Variants in PCDHGA3 observed in about 807,000 individuals in gnomAD.
PCDHGA3 encodes protocadherin gamma-A3.
A neutral mutation model predicts 58.5 loss-of-function variants in PCDHGA3; 40 were observed. The ratio of observed to expected loss-of-function variants is 0.68; its 90% CI spans 0.53 to 0.89. The LOEUF (loss-of-function observed/expected upper bound fraction) is 0.89, where lower values mean the gene tolerates loss of function less well. Among genes scored for constraint, PCDHGA3 ranks in the 40% least tolerant of loss-of-function variants. The pLI, the probability that PCDHGA3 is intolerant of heterozygous loss-of-function variation, is 0.00. For missense variants in PCDHGA3, 1,223 were observed against 1,195.9 expected (o/e 1.02, Z -0.33); for synonymous variants, 530 against 525.7 (o/e 1.01, Z -0.11).
At chr5:141,355,411 A>G (rs1759844288) in intron 1 of PCDHGA3, 3 of 1,613,986 alleles carry the variant, frequency 1.9e-6, no homozygotes, top group African/African-American at 2.7e-5. Context: ...CTCCAGAGGT[A>G]GGACGCAGCT....
At chr5:141,430,595 G>T (rs549786394) in intron 1 of PCDHGA3, 3 of 567,018 alleles carry the variant, frequency 5.3e-6, no homozygotes, top group African/African-American at 1.9e-5. Context: ...CCTTGCACGC[G>T]CCTGAAGCAC....
intron 1 of PCDHGA3, chr5:141,410,112 C>T (rs775292594): frequency 1.9e-6 from 3 of 1,612,566 alleles, no homozygotes; most frequent in East Asian, 4.5e-5. Context: ...GACAGGGACG[C>T]AGCCCGCCAG....
chr5:141,416,615 C>T (rs1156238298), intron 1 of PCDHGA3: 1 of 152,088 alleles, frequency 6.6e-6, no homozygotes, highest in Non-Finnish European at 1.5e-5. Context: ...AATGCCATTT[C>T]TGCAGATCAG....
At position 141,383,863 on chromosome 5, in the gene PCDHGA3, C is replaced by G. The variant is rs768251798; in HGVS notation, c.2424+37406C>G. ...CTTCTATGAAATGGAGGTTCAGGCT[C>G]AAGATGGTCCTGGTAGTCTGACAAA... On this transcript the variant is annotated intron_variant, in intron 1 of 3. Coordinates refer to ENST00000253812, the MANE Select transcript of PCDHGA3 (RefSeq NM_018916.4). 4.3e-6 allele frequency: 7 copies of G among 1,613,772 alleles called. No homozygotes were observed. Among genetic ancestry groups the G allele is most frequent in the African/African-American group, 2.7e-5 (2 of 74,914 alleles).
At chr5:141,363,522 T>C (rs1028611491) in intron 1 of PCDHGA3, among the ~76,000 whole-genome samples, 2 of 152,254 alleles carry the variant, frequency 1.3e-5, no homozygotes, top group Non-Finnish European at 2.9e-5. Context: ...GTTACTATAC[T>C]GGTTGTCACT....
intron 1 of PCDHGA3, chr5:141,394,106 T>C: frequency 1.2e-6 from 2 of 1,613,942 alleles, no homozygotes; most frequent in Non-Finnish European, 1.7e-6. Flanking sequence ...GAACACCACC[T>C]CTGTCCACTG....
chr5:141,511,082 C>T lies in PCDHGA3; in HGVS notation c.2708C>T (p.Thr903Ile). Residue 903 changes from threonine to isoleucine, a missense_variant, in exon 4 of 4, where the codon ACA (threonine) becomes ATA (isoleucine). By Grantham distance (89) the Thr-to-Ile change is moderately conservative. This residue lies in a region of PCDHGA3 where 325 missense variants were observed against 327.5 expected (regional missense o/e 0.99). Transcript: ENST00000253812. ...QNVYIPGSNA[T>I]LTNAAGKRDG... ...GTCTACATCCCAGGCAGCAATGCCA[C>T]ACTGACCAACGCAGCTGGCAAGCGG... 1 of 1,614,224 alleles carries T rather than the reference C, an allele frequency of 6.2e-7. No individual in the cohort carries two copies. Among genetic ancestry groups the T allele is most frequent in the Non-Finnish European group, 8.5e-7 (1 of 1,180,028 alleles).
At position 141,486,891 on chromosome 5, in the gene PCDHGA3, G is replaced by A. The variant is rs201201426; in HGVS notation, c.2425-7916G>A. 38 of 1,614,118 alleles carry A rather than the reference G, an allele frequency of 2.4e-5. No individual in the cohort carries two copies. The highest frequency in any genetic ancestry group is 3.1e-5 in the Non-Finnish European group (37 of 1,180,064). Reference sequence around the variant, plus strand: ...GTGCTCCGTCCTCGGGCCCGGCCTGGTTCCTTATGTCCCCAAGCACTGCCT... The same window carrying A: ...GTGCTCCGTCCTCGGGCCCGGCCTGATTCCTTATGTCCCCAAGCACTGCCT... On this transcript the variant is annotated intron_variant, in intron 1 of 3. Coordinates refer to ENST00000253812, the MANE Select transcript of PCDHGA3 (RefSeq NM_018916.4). This position sits in a 1 kb window ranked among gnomAD's most constrained non-coding sequence, Gnocchi z 5.0.
chr5:141,477,571 C>A lies in PCDHGA3; in HGVS notation c.2425-17236C>A, dbSNP rs1470454976. ...TAAACCTAAGTGTCTGGGACCCCGA[C>A]GCCCCGCAGAATGCTCGGCTTTCTT... is the stretch of plus-strand genomic sequence containing the variant. On this transcript the variant is annotated intron_variant, in intron 1 of 3. Coordinates refer to ENST00000253812, the MANE Select transcript of PCDHGA3 (RefSeq NM_018916.4). The surrounding 1 kb of genome is among the most constrained non-coding windows in gnomAD (Gnocchi z 4.9). The A allele has an allele frequency of 3.1e-6, 5 of 1,614,042 alleles. No homozygotes were observed. In the South Asian group the frequency reaches 4.4e-5, roughly 14 times the overall value.
intron 1 of PCDHGA3, among the ~76,000 whole-genome samples, chr5:141,492,164 C>G (rs1180358388): frequency 6.6e-6 from 1 of 152,230 alleles, no homozygotes; most frequent in Non-Finnish European, 1.5e-5. Context: ...CTCCCTATCC[C>G]CGCATCACCC....
At chr5:141,405,672 G>C (rs755545370) in intron 1 of PCDHGA3, among the ~76,000 whole-genome samples, 3 of 152,024 alleles carry the variant, frequency 2.0e-5, no homozygotes, top group Non-Finnish European at 4.4e-5. Flanking sequence ...GAGACGGGGT[G>C]TCACCATGTT....
chr5:141,491,837 G>A lies in PCDHGA3; in HGVS notation c.2425-2970G>A, dbSNP rs1404051857. The A allele has an allele frequency of 1.4e-6, 2 of 1,472,862 alleles. No individual in the cohort carries two copies. The highest frequency in any genetic ancestry group is 1.8e-6 in the Non-Finnish European group (2 of 1,111,878). The allele number at this position is 1,472,862 out of a possible 1,614,324, so 91.2% of individuals were successfully genotyped here. A position where few individuals can be genotyped will look rare whatever the true frequency, so the allele number is the denominator to read the frequency against. ...TGGCTGCGCTCCACCCGATTCTCGG[G>A]ATCATTGGACCGTTTGCGCGAAACC... On this transcript the variant is annotated intron_variant, in intron 1 of 3. Transcript: ENST00000253812. The surrounding 1 kb of genome is among the most constrained non-coding windows in gnomAD (Gnocchi z 6.9).
chr5:141,460,979 GTGTGTATATATATATA>G (rs2099004425), intron 1 of PCDHGA3, among the ~76,000 whole-genome samples: 1 of 134,290 alleles, frequency 7.4e-6, no homozygotes, highest in Non-Finnish European at 1.5e-5. Flanking sequence ...GTGTGTGTGT[GTGTGTATATATATATA>G]TGTGTATATA....
chr5:141,364,009 G>C (rs1763143334), intron 1 of PCDHGA3, among the ~76,000 whole-genome samples: 1 of 152,092 alleles, frequency 6.6e-6, no homozygotes, highest in Non-Finnish European at 1.5e-5. Context: ...CATAAACAAC[G>C]CTACACAGTT....
rs761480508 is a variant in PCDHGA3, at chr5:141,344,455, A to C, written c.422A>C (p.Lys141Thr). The change falls in exon 1 of 4, where the codon AAA (lysine) becomes ACA (threonine). Residue 141 changes from lysine to threonine, a missense_variant. Coordinates refer to ENST00000253812, the MANE Select transcript of PCDHGA3 (RefSeq NM_018916.4). ...PNFPTEELEI[K>T]IGELTVPGTR... ...TTCCCAACAGAGGAATTGGAAATAA[A>C]AATTGGTGAACTAACGGTTCCTGGA... The C allele has an allele frequency of 6.2e-7, 1 of 1,613,848 alleles. No homozygotes were observed. Among genetic ancestry groups the C allele is most frequent in the Non-Finnish European group, 8.5e-7 (1 of 1,179,820 alleles).
intron 1 of PCDHGA3, among the ~76,000 whole-genome samples, chr5:141,458,821 C>T (rs1220034390): frequency 6.6e-6 from 1 of 152,146 alleles, no homozygotes; most frequent in Non-Finnish European, 1.5e-5. Flanking sequence ...CAACCTCTGC[C>T]TCCCAGGCTC....
chr5:141,384,580 G>T, intron 1 of PCDHGA3: 1 of 1,614,196 alleles, frequency 6.2e-7, no homozygotes, highest in Non-Finnish European at 8.5e-7. Flanking sequence ...CAACCCGCCC[G>T]AGATCCTGTA....
chr5:141,375,843 T>C (rs762152746), intron 1 of PCDHGA3: 1 of 1,614,046 alleles, frequency 6.2e-7, no homozygotes, highest in Admixed American at 1.7e-5. Context: ...CCCGGCTACC[T>C]GGTGACCAAG....
intron 1 of PCDHGA3, chr5:141,404,626 T>C (rs1443011566): frequency 1.2e-6 from 2 of 1,614,164 alleles, no homozygotes; most frequent in Admixed American, 3.3e-5. Flanking sequence ...AGAATGACAA[T>C]GCCCCAGAAA....
Sources: gnomAD v4.1 joint callset for allele counts (sites outside exome capture counted in the v4.1 genomes callset) on GRCh38, gnomAD v4.1.1 for gene constraint, gnomAD v4.1.1 regional missense constraint, Gnocchi (gnomAD v3.1) non-coding constraint, MANE v1.5 for transcripts, NCBI Gene and HGNC (gene_info 2026-07-23, HGNC 2026-07-21) for gene names.